CRYBG1: variants seen among roughly 807,000 people sequenced by gnomAD.
CRYBG1 encodes the protein crystallin beta-gamma domain containing 1.
In CRYBG1, 139 loss-of-function variants were observed where a neutral mutation model predicts 189.2. That is an observed-to-expected ratio of 0.73 (90% CI 0.64 to 0.85). The LOEUF (loss-of-function observed/expected upper bound fraction) is 0.85. Among genes scored for constraint, CRYBG1 ranks in the 40% least tolerant of loss-of-function variants. The probability of loss-of-function intolerance (pLI) is 0.00; values close to 1 mark genes in which losing one functional copy is unlikely to be tolerated. For synonymous variants in CRYBG1, 1,023 were observed against 1,017.1 expected, an observed-to-expected ratio of 1.01 and a Z score of -0.11; for missense variants, 2,611 against 2,675.8, an observed-to-expected ratio of 0.98 and a Z score of 0.53.
At chr6:106,509,973 C>A (rs1361733957) in intron 2 of CRYBG1, among the ~76,000 whole-genome samples, 2 of 152,074 alleles carry the variant, frequency 1.3e-5, no homozygotes, top group African/African-American at 2.4e-5. Flanking sequence ...TAATTTCATG[C>A]GTTATCTTTC....
chr6:106,569,813 A>C lies in CRYBG1; in HGVS notation c.*1247A>C, dbSNP rs899231557. On this transcript the variant is annotated 3_prime_UTR_variant, in exon 22 of 22. Coordinates refer to ENST00000633556, the MANE Select transcript of CRYBG1 (RefSeq NM_001371242.2). ...CTTCAGGGTATAGCTGTTGGTGGAC[A>C]GCCTCAGGTCTTGGGGGCACTATAG... 3 of 152,344 alleles carry C rather than the reference A, an allele frequency of 2.0e-5. No homozygotes were observed. Among genetic ancestry groups the C allele is most frequent in the Middle Eastern group, 3.4e-3 (1 of 294 alleles). The allele number at this position is 152,344 out of a possible 1,614,324, so 9.4% of individuals were successfully genotyped here. A position where few individuals can be genotyped will look rare whatever the true frequency, so the allele number is the denominator to read the frequency against.
intron 1 of CRYBG1, among the ~76,000 whole-genome samples, chr6:106,444,825 T>C (rs1360541676): frequency 6.6e-6 from 1 of 152,186 alleles, no homozygotes; most frequent in Non-Finnish European, 1.5e-5. Context: ...TATTGGGAGA[T>C]GGCTCCCAGC....
Position 106,483,401 on chromosome 6 carries a change from T to TATATATATATGTATATATATATA in CRYBG1, c.313-28028_313-28027insTATATATATGTATATATATATAA. Among the ~76,000 whole-genome samples the TATATATATATGTATATATATATA allele has an allele frequency of 4.0e-3, 379 of 95,658 alleles. 15 individuals are homozygous for TATATATATATGTATATATATATA. Among genetic ancestry groups the TATATATATATGTATATATATATA allele is most frequent in the Non-Finnish European group, 7.3e-3 (291 of 39,932 alleles). The allele number at this position is 95,658 out of a possible 152,430, so 62.8% of individuals were successfully genotyped here. A position where few individuals can be genotyped will look rare whatever the true frequency, so the allele number is the denominator to read the frequency against. ...GTGTATATATATATAGATATATATA[T>TATATATATATGTATATATATATA]AAAACATTTTCTTTATCTACTTATT... On this transcript the variant is annotated intron_variant, in intron 2 of 21. Transcript: ENST00000633556.
intron 9 of CRYBG1, among the ~76,000 whole-genome samples, chr6:106,540,824 T>A (rs560968792): frequency 6.2e-4 from 95 of 152,168 alleles, no homozygotes; most frequent in Non-Finnish European, 1.0e-3. Context: ...ATATTAATTT[T>A]AAAAAAATCC....
rs1236763622 is a variant in CRYBG1, at chr6:106,571,721, G to A, written c.*3155G>A. The A allele has an allele frequency of 2.2e-5, 8 of 357,842 alleles. No individual in the cohort carries two copies. The highest frequency in any genetic ancestry group is 3.2e-5 in the South Asian group (1 of 31,664). 22.2% of individuals were successfully genotyped at this position (357,842 alleles called of 1,614,324 possible). On this transcript the variant is annotated 3_prime_UTR_variant, in exon 22 of 22. Coordinates refer to ENST00000633556, the MANE Select transcript of CRYBG1 (RefSeq NM_001371242.2). ...CAAAAAAGACAATAAAGTAGTTTAA[G>A]CTAGTAAAACAGAAGGTGCCACAAC...
In CRYBG1 at chr6:106,525,292, G is replaced by A. The variant is rs201424472; in HGVS notation, c.4318G>A (p.Val1440Ile). 3.8e-5 allele frequency: 62 copies of A among 1,614,092 alleles called. No individual in the cohort carries two copies. Among genetic ancestry groups the A allele is most frequent in the Admixed American group, 3.7e-4 (22 of 60,018 alleles). Residue 1440 changes from valine (V) to isoleucine (I), a missense_variant, in exon 6 of 22, where the codon GTC (valine) becomes ATC (isoleucine). By Grantham distance (29) the Val-to-Ile change is conservative. Coordinates refer to ENST00000633556, the MANE Select transcript of CRYBG1 (RefSeq NM_001371242.2). ...GKVVIYSEPDVSEKCIEVFSD... is the reference protein window; with the variant it reads ...GKVVIYSEPDISEKCIEVFSD... The stretch of plus-strand genomic sequence containing the variant: ...GGTAGTGATATATAGTGAACCCGAC[G>A]TCTCTGAGAAGTGCATTGAAGTTTT...
intron 2 of CRYBG1, among the ~76,000 whole-genome samples, chr6:106,472,593 C>G (rs1274771012): frequency 6.6e-6 from 1 of 150,870 alleles, no homozygotes; most frequent in Admixed American, 6.6e-5. Flanking sequence ...TTATTGAGAG[C>G]TTATTGAAAA....
intron 2 of CRYBG1, 117 bp downstream of exon 2, chr6:106,451,949 T>C: frequency 8.4e-6 from 5 of 594,712 alleles, no homozygotes; most frequent in East Asian, 4.2e-5. Flanking sequence ...ATATTGTATA[T>C]CATAAATTAT....
intron 16 of CRYBG1, 29 bp downstream of exon 16, chr6:106,553,596 G>T: frequency 1.4e-6 from 2 of 1,406,572 alleles, no homozygotes; most frequent in South Asian, 2.3e-5. Flanking sequence ...TGGCAGAGCT[G>T]AATCACTGGA....
intron 2 of CRYBG1, among the ~76,000 whole-genome samples, chr6:106,458,586 G>A (rs1771938445): frequency 6.6e-6 from 1 of 152,088 alleles, no homozygotes; most frequent in East Asian, 1.9e-4. Context: ...TGAATGAAAT[G>A]CATATATTCA....
intron 17 of CRYBG1, 73 bp from the exon 18 acceptor site, chr6:106,558,413 C>T (rs1404710642): frequency 7.6e-7 from 1 of 1,310,364 alleles, no homozygotes; most frequent in Non-Finnish European, 1.0e-6. Flanking sequence ...GTCCTTGTAA[C>T]AAGATGATTT....
At chr6:106,401,676 G>A (rs1295639882) in intron 1 of CRYBG1, among the ~76,000 whole-genome samples, 4 of 116,358 alleles carry the variant, frequency 3.4e-5, no homozygotes, top group African/African-American at 1.0e-4. Context: ...TTGTTCTTGC[G>A]ATAGTTTACT....
chr6:106,447,253 A>G (rs1771680828), intron 1 of CRYBG1, among the ~76,000 whole-genome samples: 1 of 152,186 alleles, frequency 6.6e-6, no homozygotes, highest in Non-Finnish European at 1.5e-5. Context: ...TAAATTTCTC[A>G]TCAGGGAGCC....
At chr6:106,428,154 CTG>C (rs1286819361) in intron 1 of CRYBG1, among the ~76,000 whole-genome samples, 4 of 152,148 alleles carry the variant, frequency 2.6e-5, no homozygotes, top group Non-Finnish European at 5.9e-5. Context: ...TGTGTTTATT[CTG>C]TGTCTCTCTC....
chr6:106,533,554 A>G (rs1308071615), intron 8 of CRYBG1, among the ~76,000 whole-genome samples: 3 of 152,218 alleles, frequency 2.0e-5, no homozygotes, highest in Non-Finnish European at 4.4e-5. Flanking sequence ...GCAATCATAC[A>G]GCCAAGAAGA....
At chr6:106,477,621 T>G (rs1204997138) in intron 2 of CRYBG1, among the ~76,000 whole-genome samples, 1 of 152,134 alleles carries the variant, frequency 6.6e-6, no homozygotes, top group African/African-American at 2.4e-5. Flanking sequence ...TAGCAAAACA[T>G]CTCTCTCTGA....
At chr6:106,478,680 G>A (rs1378930836) in intron 2 of CRYBG1, among the ~76,000 whole-genome samples, 5 of 152,210 alleles carry the variant, frequency 3.3e-5, no homozygotes, top group Non-Finnish European at 7.3e-5. Context: ...GACCTGTTAG[G>A]AACTGGGCTG....
In CRYBG1 at chr6:106,520,435, C is replaced by G. The variant is rs779396471; in HGVS notation, c.3227C>G (p.Thr1076Ser). Residue 1076 changes from threonine (T) to serine (S), a missense_variant, in exon 4 of 22, where the codon ACT (threonine) becomes AGT (serine). This residue lies in a region of CRYBG1 where 1,622 missense variants were observed against 1,735.0 expected (regional missense o/e 0.93). Transcript: ENST00000633556. ...GCCACTCCTCAAAGGCCAGATCAGA[C>G]TGTTACAAATGGCCAGGATAGCCCT... is the stretch of plus-strand genomic sequence containing the variant. The part of the protein sequence containing the change: ...HLATPQRPDQ[T>S]VTNGQDSPAS... 3.1e-6 allele frequency: 5 copies of G among 1,614,064 alleles called. No individual in the cohort carries two copies. The South Asian group carries it at 4.4e-5, about 14-fold the overall frequency.
Position 106,526,273 on chromosome 6 carries a change from A to C in CRYBG1, c.4412+887A>C, listed in dbSNP as rs568944078. On this transcript the variant is annotated intron_variant, in intron 6 of 21. Transcript: ENST00000633556. ...TTTAATATTTTTTCCTATATATCCA[A>C]CATAGTCATGAGAAAAACAAGATTT... Among the ~76,000 whole-genome samples the C allele has an allele frequency of 1.1e-3, 166 of 152,316 alleles. No individual in the cohort carries two copies. The Middle Eastern group carries it at 0.024, about 22-fold the overall frequency.
Sources: allele counts gnomAD v4.1 joint callset (sites outside exome capture counted in the v4.1 genomes callset), GRCh38; gene constraint gnomAD v4.1.1; regional missense constraint gnomAD v4.1.1; transcripts MANE v1.5; gene names NCBI Gene and HGNC (gene_info 2026-07-23, HGNC 2026-07-21).